The following ARHGAP6 variants were observed in gnomAD, a reference collection of about 807,000 sequenced individuals.
The protein encoded by ARHGAP6 is rho GTPase-activating protein 6.
Under a neutral mutation model 55.7 loss-of-function variants are expected in ARHGAP6, and 16 were observed. The observed-to-expected ratio is 0.29, with a 90% CI of 0.19 to 0.44. ARHGAP6 has a LOEUF of 0.44. Ranked by LOEUF, ARHGAP6 falls within the 20% of genes least tolerant of loss-of-function variation. The probability of loss-of-function intolerance (pLI) is 1.00; values close to 1 mark genes in which losing one functional copy is unlikely to be tolerated. For missense variants in ARHGAP6, 698 were observed against 808.9 expected (o/e 0.86, Z 1.66); for synonymous variants, 382 against 360.9 (o/e 1.06, Z -0.66).
chrX:11,314,020 A>G (rs1018811880), intron 1 of ARHGAP6, among the ~76,000 whole-genome samples: 20 of 112,476 alleles, frequency 1.8e-4, no homozygotes, highest in Non-Finnish European at 3.4e-4. Context: ...ATTTGGCAAT[A>G]AGTAATTCAT....
intron 1 of ARHGAP6, among the ~76,000 whole-genome samples, chrX:11,506,631 G>T (rs999833886): frequency 3.6e-5 from 4 of 111,756 alleles, no homozygotes; most frequent in Middle Eastern, 9.2e-3. Context: ...TCTTTATCTA[G>T]TCTATCATTG....
At chrX:11,514,426 T>C (rs1262954912) in intron 1 of ARHGAP6, among the ~76,000 whole-genome samples, 1 of 110,051 alleles carries the variant, frequency 9.1e-6, no homozygotes. Context: ...TGGGGGAATA[T>C]CCTCTCGGGA....
At chrX:11,611,700 T>C (rs1397851144) in intron 1 of ARHGAP6, among the ~76,000 whole-genome samples, 5 of 111,967 alleles carry the variant, frequency 4.5e-5, no homozygotes, top group Admixed American at 9.5e-5. Context: ...CTCTTTACAA[T>C]AGCCTGTCTC....
intron 10 of ARHGAP6, among the ~76,000 whole-genome samples, chrX:11,151,650 C>A (rs1388828577): frequency 1.8e-5 from 2 of 112,141 alleles, no homozygotes; most frequent in Non-Finnish European, 3.8e-5. Flanking sequence ...AAGTGAAAAA[C>A]CCAAATCAAA....
intron 1 of ARHGAP6, among the ~76,000 whole-genome samples, chrX:11,648,653 A>G (rs1439209144): frequency 8.9e-6 from 1 of 112,123 alleles, no homozygotes; most frequent in Non-Finnish European, 1.9e-5. Flanking sequence ...AAGCTCCTAC[A>G]AAGTACATAC....
At chrX:11,360,558 T>C (rs2048996225) in intron 1 of ARHGAP6, among the ~76,000 whole-genome samples, 1 of 109,054 alleles carries the variant, frequency 9.2e-6, no homozygotes, top group Non-Finnish European at 1.9e-5. Flanking sequence ...TCATACTAAA[T>C]GGGCAAAAAC....
chrX:11,335,158 C>A, intron 1 of ARHGAP6: 1 of 143,476 alleles, frequency 7.0e-6, no homozygotes, highest in South Asian at 2.1e-4. Flanking sequence ...TCTTCTCACC[C>A]AAGGCTGGTT....
intron 1 of ARHGAP6, among the ~76,000 whole-genome samples, chrX:11,437,718 G>A (rs750341361): frequency 1.7e-4 from 19 of 112,201 alleles, no homozygotes; most frequent in African/African-American, 6.2e-4. Context: ...AGTCAGTCAT[G>A]GGCTGTGGGA....
intron 1 of ARHGAP6, among the ~76,000 whole-genome samples, chrX:11,636,888 G>A (rs1156483435): frequency 9.0e-6 from 1 of 111,362 alleles, no homozygotes; most frequent in African/African-American, 3.3e-5. Context: ...CATAAAATAT[G>A]AAATTCAAAT....
chrX:11,391,665 G>A (rs1023713571), intron 1 of ARHGAP6, among the ~76,000 whole-genome samples: 1 of 112,136 alleles, frequency 8.9e-6, no homozygotes, highest in Non-Finnish European at 1.9e-5. Flanking sequence ...GAGATTACAA[G>A]CTTTCTTTTT....
intron 2 of ARHGAP6, among the ~76,000 whole-genome samples, chrX:11,211,204 T>C (rs2046789484): frequency 9.1e-6 from 1 of 109,459 alleles, no homozygotes; most frequent in Non-Finnish European, 1.9e-5. Context: ...GAAATAGAGA[T>C]AAATTACGAG....
chrX:11,337,113 C>T (rs1476282659), intron 1 of ARHGAP6, among the ~76,000 whole-genome samples: 2 of 110,217 alleles, frequency 1.8e-5, no homozygotes, highest in Non-Finnish European at 3.8e-5. Context: ...GGGAATATTC[C>T]TACTTGGTAC....
chrX:11,347,692 A>C (rs750494485), intron 1 of ARHGAP6, among the ~76,000 whole-genome samples: 1 of 112,401 alleles, frequency 8.9e-6, no homozygotes, highest in South Asian at 3.7e-4. Context: ...TGTCCATGGC[A>C]TTCCCATTAT....
intron 1 of ARHGAP6, among the ~76,000 whole-genome samples, chrX:11,372,440 T>C (rs1450505802): frequency 1.8e-5 from 2 of 111,423 alleles, no homozygotes; most frequent in Non-Finnish European, 3.8e-5. Context: ...GATATTGATC[T>C]CATATTCCTC....
rs192860012 is a variant in ARHGAP6 at position 11,274,803 on chromosome X, C to T, written c.589-20096G>A. On this transcript the variant is annotated intron_variant, in intron 1 of 12. Coordinates refer to ENST00000337414, the MANE Select transcript of ARHGAP6 (RefSeq NM_013427.3). ...CCCCCAACCCCACCACCGGACAGGA[C>T]CCAGTGTGTGTTGCTCCCCTTCCTG... 7.2e-5 allele frequency among the ~76,000 whole-genome samples: 8 copies of T among 110,836 alleles called. No homozygotes were observed. In the East Asian group the frequency reaches 2.3e-3, roughly 32 times the overall value.
chrX:11,338,129 T>G (rs1003503629), intron 1 of ARHGAP6, among the ~76,000 whole-genome samples: 4 of 111,179 alleles, frequency 3.6e-5, no homozygotes, highest in African/African-American at 1.3e-4. Flanking sequence ...TCTCCCACTA[T>G]GCCCCACCTC....
chrX:11,210,052 A>T (rs953760710), intron 2 of ARHGAP6, among the ~76,000 whole-genome samples: 1 of 112,897 alleles, frequency 8.9e-6, no homozygotes, highest in Non-Finnish European at 1.9e-5. Flanking sequence ...GGCAATTAGC[A>T]AGTGGCAATG....
intron 1 of ARHGAP6, chrX:11,334,610 C>G (rs1381025631): frequency 8.3e-6 from 1 of 120,656 alleles, no homozygotes; most frequent in African/African-American, 3.3e-5. Flanking sequence ...AACTGACTCC[C>G]CTCTTTTGGT....
chrX:11,587,423 G>C (rs1435011606), intron 1 of ARHGAP6, among the ~76,000 whole-genome samples: 2 of 111,861 alleles, frequency 1.8e-5, no homozygotes, highest in Non-Finnish European at 3.8e-5. Context: ...ATTCTTTCTA[G>C]ATAAGAATTT....
Sources: gnomAD v4.1 joint callset for allele counts (sites outside exome capture counted in the v4.1 genomes callset) on GRCh38, gnomAD v4.1.1 for gene constraint, MANE v1.5 for transcripts, NCBI Gene and HGNC (gene_info 2026-07-23, HGNC 2026-07-21) for gene names.